Variants in MYBPC1 observed in about 807,000 individuals in gnomAD.
MYBPC1 encodes the protein myosin-binding protein C, slow-type.
MYBPC1 carries 52 observed loss-of-function variants against 147.1 expected under a neutral mutation model. The observed-to-expected ratio is 0.35, with a 90% CI of 0.28 to 0.45. The LOEUF is 0.45. Ranked by LOEUF, MYBPC1 falls within the 20% of genes least tolerant of loss-of-function variation. The pLI is 1.00. For missense variants in MYBPC1, 1,228 were observed against 1,440.3 expected, an observed-to-expected ratio of 0.85 and a Z score of 2.39; for synonymous variants, 477 against 475.9, an observed-to-expected ratio of 1.00 and a Z score of -0.03.
intron 12 of MYBPC1, 51 bp downstream of exon 12, chr12:101,644,847 ATAG>A (rs1892736079): frequency 1.3e-6 from 2 of 1,556,072 alleles, no homozygotes; most frequent in Non-Finnish European, 1.8e-6. Context: ...AATTAATCAA[ATAG>A]TAGTTCGACT....
At chr12:101,684,349 TTCTC>T (rs760434872) in intron 30 of MYBPC1, 29 bp from the exon 31 acceptor site, 1 of 1,524,642 alleles carries the variant, frequency 6.6e-7, no homozygotes, top group South Asian at 1.1e-5. Flanking sequence ...TGCTTACGAC[TTCTC>T]TCTCTCTCCC....
At chr12:101,686,032 C>T (rs752500508), downstream of MYBPC1, 9 of 157,760 alleles carry the variant, frequency 5.7e-5, no homozygotes, top group Non-Finnish European at 8.3e-5. Context: ...CAATGCACCA[C>T]GACTGGATCT....
At chr12:101,630,238 G>T (rs978218139) in intron 6 of MYBPC1, among the ~76,000 whole-genome samples, 1 of 152,166 alleles carries the variant, frequency 6.6e-6, no homozygotes, top group Non-Finnish European at 1.5e-5. Context: ...CCTTTTTACG[G>T]CTGGATAATA....
At chr12:101,677,999 C>G (rs1900383189) in intron 27 of MYBPC1, 103 bp from the exon 28 acceptor site, 2 of 1,394,416 alleles carry the variant, frequency 1.4e-6, no homozygotes, top group Admixed American at 1.7e-5. Flanking sequence ...CCATGTTTTT[C>G]TAAGTTCAGG....
At chr12:101,601,044 G>A (rs1220906314) in intron 1 of MYBPC1, among the ~76,000 whole-genome samples, 1 of 152,194 alleles carries the variant, frequency 6.6e-6, no homozygotes, top group Non-Finnish European at 1.5e-5. Flanking sequence ...CAGAAAGGTA[G>A]TAGCTGAATT....
At chr12:101,651,577 A>G (rs553440939) in intron 16 of MYBPC1, among the ~76,000 whole-genome samples, 184 bp downstream of exon 16, 74 of 152,320 alleles carry the variant, frequency 4.9e-4, no homozygotes, top group Non-Finnish European at 8.7e-4. Context: ...CCTACTCATA[A>G]TCCTGTATCT....
chr12:101,596,518 T>G (rs1877317075), intron 1 of MYBPC1, among the ~76,000 whole-genome samples: 1 of 152,256 alleles, frequency 6.6e-6, no homozygotes. Flanking sequence ...CAATATTGTT[T>G]TAATTATTCT....
intron 4 of MYBPC1, among the ~76,000 whole-genome samples, chr12:101,627,336 A>G (rs191593957): frequency 8.3e-4 from 126 of 152,084 alleles, no homozygotes; most frequent in African/African-American, 2.9e-3. Context: ...TGTGCCTCCC[A>G]GGTTCAAGTG....
chr12:101,619,078 G>T (rs1398636558), intron 3 of MYBPC1, among the ~76,000 whole-genome samples: 1 of 152,060 alleles, frequency 6.6e-6, no homozygotes, highest in Non-Finnish European at 1.5e-5. Context: ...TATGCAAAAA[G>T]TAGACACAAT....
intron 18 of MYBPC1, among the ~76,000 whole-genome samples, chr12:101,653,928 G>T (rs1895049134): frequency 6.6e-6 from 1 of 152,166 alleles, no homozygotes; most frequent in African/African-American, 2.4e-5. Context: ...ATGAGGCTGG[G>T]CATGGTGGCT....
At chr12:101,605,052 T>G (rs1445354557) in intron 1 of MYBPC1, among the ~76,000 whole-genome samples, 2 of 152,192 alleles carry the variant, frequency 1.3e-5, no homozygotes, top group East Asian at 3.8e-4. Flanking sequence ...AGGGCCTTCT[T>G]CCATGAGGAA....
intron 31 of MYBPC1, 144 bp downstream of exon 31, chr12:101,684,568 A>G (rs1358668686): frequency 3.0e-6 from 2 of 665,504 alleles, no homozygotes; most frequent in Non-Finnish European, 5.1e-6. Context: ...TTTAATTTGT[A>G]TTTCACTATC....
At chr12:101,609,889 C>G (rs1883637472) in intron 1 of MYBPC1, among the ~76,000 whole-genome samples, 1 of 152,164 alleles carries the variant, frequency 6.6e-6, no homozygotes. Flanking sequence ...CCTATGGTCC[C>G]TATTCAGTGA....
chr12:101,615,509 T>G (rs1308339506), intron 2 of MYBPC1, among the ~76,000 whole-genome samples: 1 of 152,200 alleles, frequency 6.6e-6, no homozygotes, highest in Non-Finnish European at 1.5e-5. Flanking sequence ...GCAAGCATAT[T>G]GTACCAGATG....
intron 3 of MYBPC1, 65 bp downstream of exon 3, chr12:101,617,308 A>C (rs969454343): frequency 1.3e-6 from 2 of 1,509,110 alleles, no homozygotes; most frequent in East Asian, 4.5e-5. Flanking sequence ...GAAGTCAGTA[A>C]TGATTGTCAT....
intron 25 of MYBPC1, 107 bp downstream of exon 25, chr12:101,673,729 A>G: frequency 2.4e-6 from 3 of 1,241,714 alleles, no homozygotes; most frequent in Non-Finnish European, 2.3e-6. Flanking sequence ...GCTCTACATA[A>G]AACTCTTTTT....
Position 101,681,480 on chromosome 12 carries a change from G to GT in MYBPC1, c.3433+957dup, listed in dbSNP as rs539446032. ...TCATAGTAAATGCTTGGGTATTTAT[G>GT]TTTTTTAAAAAGAGTCTTTTAGTCC... On this transcript the variant is annotated intron_variant, in intron 29 of 31. Coordinates refer to ENST00000361466, the MANE Select transcript of MYBPC1 (RefSeq NM_002465.4). Among the ~76,000 whole-genome samples, 476 of 125,526 alleles carry GT rather than the reference G, an allele frequency of 3.8e-3. 6 individuals are homozygous for GT. Among genetic ancestry groups the GT allele is most frequent in the African/African-American group, 0.013 (440 of 33,306 alleles). 82.3% of individuals were successfully genotyped at this position (125,526 alleles called of 152,430 possible).
downstream of MYBPC1, among the ~76,000 whole-genome samples, chr12:101,691,011 G>A (rs748505719): frequency 1.3e-5 from 2 of 152,094 alleles, no homozygotes; most frequent in Non-Finnish European, 2.9e-5. Flanking sequence ...CACACAGATA[G>A]CTTGACACCC....
rs1888728855 is a variant in MYBPC1, at chr12:101,626,874, G to A, written c.106G>A (p.Glu36Lys). The change falls in exon 4 of 32, where the codon GAA (glutamate) becomes AAA (lysine). Residue 36 changes from glutamate (E) to lysine (K), a missense_variant and splice_region_variant. Physicochemically the swap from Glu to Lys is moderately conservative, Grantham distance 56. This residue lies in a region of MYBPC1 where 151 missense variants were observed against 126.1 expected (regional missense o/e 1.20). Transcript: ENST00000361466. ...TTTACTCCTATTTCTTGTTTCAGAT[G>A]AAGAGGAAGTCTCCCCGCCTAGCGC... ...KEAGTTPAKD[E>K]EEVSPPSALP... The A allele has an allele frequency of 9.9e-6, 16 of 1,612,118 alleles. No homozygotes were observed. Among genetic ancestry groups the A allele is most frequent in the African/African-American group, 1.3e-5 (1 of 74,844 alleles).
Sources: allele counts gnomAD v4.1 joint callset (sites outside exome capture counted in the v4.1 genomes callset), GRCh38; gene constraint gnomAD v4.1.1; regional missense constraint gnomAD v4.1.1; transcripts MANE v1.5; gene names NCBI Gene and HGNC (gene_info 2026-07-23, HGNC 2026-07-21).